Variants in GPC5 observed in about 807,000 individuals in gnomAD.
The protein encoded by GPC5 is glypican-5.
A neutral mutation model predicts 53.9 loss-of-function variants in GPC5; 47 were observed. That is an observed-to-expected ratio of 0.87 (90% CI 0.69 to 1.11). GPC5 has a LOEUF of 1.11. Ranked by LOEUF, GPC5 falls within the 50% of genes most tolerant of loss-of-function variation. GPC5 has a pLI of 0.00. For synonymous variants in GPC5, 286 were observed against 263.3 expected (o/e 1.09, Z -0.84); for missense variants, 748 against 713.1 (o/e 1.05, Z -0.56).
At chr13:91,766,078 C>T (rs995695297) in intron 5 of GPC5, among the ~76,000 whole-genome samples, 7 of 152,200 alleles carry the variant, frequency 4.6e-5, no homozygotes, top group Non-Finnish European at 8.8e-5. Context: ...GCTAGGGACA[C>T]AGTGATGGAC....
intron 7 of GPC5, among the ~76,000 whole-genome samples, chr13:92,207,702 C>G (rs7998228): frequency 1.3e-5 from 2 of 152,000 alleles, no homozygotes; most frequent in African/African-American, 4.8e-5. Flanking sequence ...ATTGCCTATT[C>G]CAATTCTTTT....
chr13:92,063,757 G>T (rs1036493843), intron 6 of GPC5, among the ~76,000 whole-genome samples: 1 of 152,068 alleles, frequency 6.6e-6, no homozygotes, highest in Admixed American at 6.5e-5. Context: ...TGACATGAAG[G>T]AGTTTCGGGT....
intron 5 of GPC5, among the ~76,000 whole-genome samples, chr13:91,791,868 A>G (rs1275990972): frequency 6.6e-6 from 1 of 152,220 alleles, no homozygotes; most frequent in Admixed American, 6.5e-5. Context: ...GTGATATAAA[A>G]TAGAAGAATG....
intron 7 of GPC5, among the ~76,000 whole-genome samples, chr13:92,641,858 A>G (rs1885604829): frequency 6.6e-6 from 1 of 152,136 alleles, no homozygotes; most frequent in African/African-American, 2.4e-5. Flanking sequence ...GGCATGTGAT[A>G]CTTCTCTTTC....
intron 7 of GPC5, among the ~76,000 whole-genome samples, chr13:92,493,740 C>A (rs940144157): frequency 2.0e-5 from 3 of 152,136 alleles, no homozygotes; most frequent in Non-Finnish European, 4.4e-5. Context: ...TTCACTGAAG[C>A]AAAGCCTTTG....
intron 6 of GPC5, among the ~76,000 whole-genome samples, chr13:92,117,172 T>C (rs1016722750): frequency 6.6e-6 from 1 of 152,204 alleles, no homozygotes; most frequent in African/African-American, 2.4e-5. Context: ...GTACTTCTGG[T>C]GTGCTATGTA....
intron 5 of GPC5, among the ~76,000 whole-genome samples, chr13:91,760,572 T>C (rs1327682775): frequency 6.6e-6 from 1 of 152,142 alleles, no homozygotes; most frequent in Non-Finnish European, 1.5e-5. Flanking sequence ...ATAGGTCAAA[T>C]TGGTGGCCAA....
chr13:92,519,817 TC>T (rs1216339983), intron 7 of GPC5, among the ~76,000 whole-genome samples: 1 of 151,954 alleles, frequency 6.6e-6, no homozygotes, highest in Non-Finnish European at 1.5e-5. Context: ...AAAAAACCCT[TC>T]AAAAAATCAA....
chr13:92,037,412 A>G (rs2040902652), intron 6 of GPC5, among the ~76,000 whole-genome samples: 1 of 152,192 alleles, frequency 6.6e-6, no homozygotes, highest in Admixed American at 6.5e-5. Context: ...CACCTCTCTA[A>G]GAAGTCTTCC....
chr13:92,500,039 G>T (rs1880122846), intron 7 of GPC5, among the ~76,000 whole-genome samples: 1 of 152,134 alleles, frequency 6.6e-6, no homozygotes, highest in Non-Finnish European at 1.5e-5. Flanking sequence ...CACTAAATTG[G>T]TGGTGACTTT....
At chr13:92,630,033 A>T (rs1885183906) in intron 7 of GPC5, among the ~76,000 whole-genome samples, 2 of 152,172 alleles carry the variant, frequency 1.3e-5, no homozygotes, top group Admixed American at 1.3e-4. Flanking sequence ...TTTATTTGAT[A>T]TTTGAAGAAA....
In GPC5 at chr13:91,732,091, T is replaced by A. The variant is rs9556113; in HGVS notation, c.1154+3426T>A. ...GTCAAATGGTATTTCTGGTTCTAGA[T>A]CCTTGAGGAAGCACCACACTGTCTT... is the stretch of plus-strand genomic sequence containing the variant. On this transcript the variant is annotated intron_variant, in intron 4 of 7. Transcript: ENST00000377067. Among the ~76,000 whole-genome samples, 127 of 152,334 alleles carry A rather than the reference T, an allele frequency of 8.3e-4. No homozygotes were observed. In the East Asian group the frequency reaches 0.019, roughly 22 times the overall value.
intron 4 of GPC5, among the ~76,000 whole-genome samples, chr13:91,754,414 C>T (rs968458190): frequency 3.9e-5 from 6 of 152,062 alleles, no homozygotes; most frequent in African/African-American, 1.2e-4. Flanking sequence ...AAAAGAAAGA[C>T]ATAAAGCTTT....
chr13:92,512,249 T>TGC (rs141496625), intron 7 of GPC5, among the ~76,000 whole-genome samples: 102 of 149,552 alleles, frequency 6.8e-4, no homozygotes, highest in Middle Eastern at 6.8e-3. Flanking sequence ...TGTGTGTGTG[T>TGC]GCGCGCGCGC....
At chr13:92,356,866 C>T (rs2043526754) in intron 7 of GPC5, among the ~76,000 whole-genome samples, 2 of 152,312 alleles carry the variant, frequency 1.3e-5, no homozygotes, top group South Asian at 4.1e-4. Context: ...CTCCTCCCCA[C>T]TCCACCTTCA....
intron 7 of GPC5, among the ~76,000 whole-genome samples, chr13:92,551,313 G>C (rs944561896): frequency 6.6e-6 from 1 of 150,396 alleles, no homozygotes; most frequent in Non-Finnish European, 1.5e-5. Context: ...AAAAAAAAGA[G>C]AGCGAAAATA....
chr13:92,762,070 T>C (rs558232826), intron 7 of GPC5, among the ~76,000 whole-genome samples: 2 of 151,996 alleles, frequency 1.3e-5, no homozygotes, highest in East Asian at 1.9e-4. Context: ...TAATTAATAA[T>C]ATGAAAACAC....
intron 7 of GPC5, among the ~76,000 whole-genome samples, chr13:92,438,543 T>G (rs967250722): frequency 6.6e-6 from 1 of 151,950 alleles, no homozygotes; most frequent in Non-Finnish European, 1.5e-5. Context: ...TTAAAGCTTT[T>G]AATCAAGATG....
intron 7 of GPC5, among the ~76,000 whole-genome samples, chr13:92,315,292 CT>C (rs1283440111): frequency 2.6e-5 from 4 of 152,106 alleles, no homozygotes; most frequent in Non-Finnish European, 5.9e-5. Context: ...GGGAGGTTTT[CT>C]GGGAGATTCG....
Sources: gnomAD v4.1 joint callset for allele counts (sites outside exome capture counted in the v4.1 genomes callset) on GRCh38, gnomAD v4.1.1 for gene constraint, MANE v1.5 for transcripts, NCBI Gene and HGNC (gene_info 2026-07-23, HGNC 2026-07-21) for gene names.